The following ABHD2 variants were observed in gnomAD, a reference collection of about 807,000 sequenced individuals.
ABHD2 encodes the protein monoacylglycerol lipase ABHD2.
Under a neutral mutation model 48.1 loss-of-function variants are expected in ABHD2, and 20 were observed. The observed-to-expected ratio is 0.42, with a 90% CI of 0.29 to 0.60. ABHD2 has a LOEUF of 0.60. Ranked by LOEUF, ABHD2 falls within the 20% of genes least tolerant of loss-of-function variation. ABHD2 has a pLI of 0.24. For synonymous variants in ABHD2, 209 were observed against 214.2 expected, an observed-to-expected ratio of 0.98 and a Z score of 0.21; for missense variants, 405 against 550.9, an observed-to-expected ratio of 0.74 and a Z score of 2.65.
intron 3 of ABHD2, chr15:89,135,532 C>T: frequency 2.2e-6 from 3 of 1,348,192 alleles, no homozygotes; most frequent in South Asian, 2.4e-5. Context: ...AAAAACTACA[C>T]TAGAACCAAC....
chr15:89,095,469 T>G (rs16942701), intron 1 of ABHD2, among the ~76,000 whole-genome samples: 5,651 of 152,250 alleles, frequency 0.037, 349 homozygotes, highest in African/African-American at 0.13. Flanking sequence ...GGATTTGTCA[T>G]GTTTGAAGTG....
chr15:89,188,244 G>A lies in ABHD2; in HGVS notation c.867G>A (p.Thr289=), dbSNP rs561242753. Residue 289 remains threonine (T), a synonymous_variant, in exon 8 of 11, where the codon ACG becomes ACA. Transcript: ENST00000352732. The surrounding 1 kb of genome is among the most constrained non-coding windows in gnomAD (Gnocchi z 4.1). The stretch of plus-strand genomic sequence containing the variant: ...AGAAACCCCAGAGCCTGGAAGACAC[G>A]GACTTGAGCCGGCTCTACACAGCAA... ...HVKKPQSLED[T]DLSRLYTATS... The A allele has an allele frequency of 1.4e-5, 22 of 1,614,094 alleles. No individual in the cohort carries two copies. The East Asian group carries it at 2.5e-4, about 18-fold the overall frequency.
chr15:89,044,621 T>C, the ABHD2 span, among the ~76,000 whole-genome samples: 5 of 151,402 alleles, frequency 3.3e-5, no homozygotes, highest in Admixed American at 2.6e-4. Context: ...TGGTATCTCA[T>C]TGTGGTTTTG....
chr15:89,119,396 A>G (rs117818649), intron 3 of ABHD2, among the ~76,000 whole-genome samples: 26 of 152,316 alleles, frequency 1.7e-4, no homozygotes, highest in Non-Finnish European at 3.5e-4. Context: ...AATTTTAGGA[A>G]TCACTGTATC....
the ABHD2 span, among the ~76,000 whole-genome samples, chr15:89,047,397 T>G: frequency 2.6e-5 from 4 of 152,158 alleles, no homozygotes; most frequent in African/African-American, 9.7e-5. Context: ...GAGAGTTCTG[T>G]AGATATCTAT....
intron 3 of ABHD2, among the ~76,000 whole-genome samples, chr15:89,144,621 G>T (rs375519004): frequency 1.7e-4 from 26 of 152,178 alleles, no homozygotes; most frequent in African/African-American, 5.3e-4. Context: ...CTGTTGATAA[G>T]AAATATACAG....
At chr15:89,041,124 T>C in the ABHD2 span, 1 of 152,194 alleles carries the variant, frequency 6.6e-6, no homozygotes, top group Non-Finnish European at 1.5e-5. Flanking sequence ...CTTAACTGTG[T>C]AAGGAGGCCA....
rs1382116550 is a variant in ABHD2 at position 89,094,553 on chromosome 15, C to T, written c.-107+5990C>T. 2.0e-5 allele frequency among the ~76,000 whole-genome samples: 3 copies of T among 151,440 alleles called. No individual in the cohort carries two copies. Among genetic ancestry groups the T allele is most frequent in the Non-Finnish European group, 4.4e-5 (3 of 67,868 alleles). On this transcript the variant is annotated intron_variant, in intron 1 of 10. Transcript: ENST00000352732. The surrounding 1 kb of genome is among the most constrained non-coding windows in gnomAD (Gnocchi z 4.7). ...TGAAACCCCGTCTCTACTAAAAATA[C>T]AAAAATTAGCTGAGCATGGTGGTGT...
At chr15:89,135,227 A>C (rs905288037) in intron 3 of ABHD2, among the ~76,000 whole-genome samples, 37 of 151,236 alleles carry the variant, frequency 2.4e-4, no homozygotes, top group Admixed American at 1.6e-3. Context: ...AGACAACTGA[A>C]GATGAAAAAA....
intron 6 of ABHD2, among the ~76,000 whole-genome samples, chr15:89,178,650 A>G (rs1161836285): frequency 6.6e-6 from 1 of 152,206 alleles, no homozygotes; most frequent in Non-Finnish European, 1.5e-5. Flanking sequence ...AAACTAGCTC[A>G]CCTTCTACCT....
At chr15:89,071,539 A>G in the ABHD2 span, among the ~76,000 whole-genome samples, 2 of 152,234 alleles carry the variant, frequency 1.3e-5, no homozygotes, top group African/African-American at 4.8e-5. Flanking sequence ...CAGTTTATAC[A>G]GTATTTTCAC....
rs573925743 is a variant in ABHD2, at chr15:89,092,735, A to G, written c.-107+4172A>G. On this transcript the variant is annotated intron_variant, in intron 1 of 10. Transcript: ENST00000352732. This position sits in a 1 kb window ranked among gnomAD's most constrained non-coding sequence, Gnocchi z 4.4. ...CACCCCTTTTTGCAGAAATGGTAGC[A>G]CACTGCATACATGCTATTTGGAACC... Among the ~76,000 whole-genome samples, 2 of 152,358 alleles carry G rather than the reference A, an allele frequency of 1.3e-5. No individual in the cohort carries two copies. Among genetic ancestry groups the G allele is most frequent in the South Asian group, 4.1e-4 (2 of 4,822 alleles).
the ABHD2 span, among the ~76,000 whole-genome samples, chr15:89,076,287 A>G: frequency 6.6e-6 from 1 of 152,198 alleles, no homozygotes; most frequent in Non-Finnish European, 1.5e-5. Context: ...GCAATGATCA[A>G]TCCATGGCCA....
chr15:89,109,627 A>T (rs2049842266), intron 1 of ABHD2, among the ~76,000 whole-genome samples: 1 of 152,144 alleles, frequency 6.6e-6, no homozygotes, highest in South Asian at 2.1e-4. Flanking sequence ...ATACAATGGA[A>T]TCAGAGTTTG....
the ABHD2 span, among the ~76,000 whole-genome samples, chr15:89,080,954 G>A: frequency 6.6e-6 from 1 of 150,600 alleles, no homozygotes; most frequent in Non-Finnish European, 1.5e-5. Flanking sequence ...ATGTCTTCAA[G>A]TATCATCCAT....
chr15:89,187,272 CTAAG>C (rs1387113672), intron 7 of ABHD2, among the ~76,000 whole-genome samples: 1 of 152,158 alleles, frequency 6.6e-6, no homozygotes, highest in East Asian at 1.9e-4. Flanking sequence ...TGAGTGTACT[CTAAG>C]TATTCACATT....
At chr15:89,085,591 A>G (rs942498533), upstream of ABHD2, among the ~76,000 whole-genome samples, 1 of 152,194 alleles carries the variant, frequency 6.6e-6, no homozygotes, top group African/African-American at 2.4e-5. This position sits in a 1 kb window ranked among gnomAD's most constrained non-coding sequence, Gnocchi z 4.2. Context: ...TCCTGAGCTC[A>G]GTCTGTGCCT....
chr15:89,108,699 A>G lies in ABHD2; in HGVS notation c.-106-5026A>G, dbSNP rs148382695. Among the ~76,000 whole-genome samples the G allele has an allele frequency of 6.6e-3, 1,001 of 152,356 alleles. 12 individuals carry two copies. The highest frequency in any genetic ancestry group is 0.016 in the African/African-American group (667 of 41,580). On this transcript the variant is annotated intron_variant, in intron 1 of 10. Transcript: ENST00000352732. Reference sequence around the variant, plus strand: ...AGCATCACGATCCCATGCAGGTGGAATGAATATGATGAAATTATTGGCACA... The same window carrying G: ...AGCATCACGATCCCATGCAGGTGGAGTGAATATGATGAAATTATTGGCACA...
Position 89,114,806 on chromosome 15 carries a change from T to C in ABHD2, c.-7+982T>C, listed in dbSNP as rs1274577544. On this transcript the variant is annotated intron_variant, in intron 2 of 10. Coordinates refer to ENST00000352732, the MANE Select transcript of ABHD2 (RefSeq NM_152924.5). The surrounding 1 kb of genome is among the most constrained non-coding windows in gnomAD (Gnocchi z 4.2). ...CCCAGAAGTTAAGTTTTAGGAAAAC[T>C]GTCTCCTCACAGAAGTTCAGTGTAG... Among the ~76,000 whole-genome samples the C allele has an allele frequency of 1.3e-5, 2 of 152,220 alleles. No individual in the cohort carries two copies. The highest frequency in any genetic ancestry group is 2.9e-5 in the Non-Finnish European group (2 of 68,038).
Sources: allele counts gnomAD v4.1 joint callset (sites outside exome capture counted in the v4.1 genomes callset), GRCh38; gene constraint gnomAD v4.1.1; non-coding constraint Gnocchi (gnomAD v3.1); transcripts MANE v1.5; gene names NCBI Gene and HGNC (gene_info 2026-07-23, HGNC 2026-07-21).